The following FNIP2 variants were observed in gnomAD, a reference collection of about 807,000 sequenced individuals.
FNIP2 encodes the protein folliculin interacting protein 2.
FNIP2 carries 32 observed loss-of-function variants against 108.7 expected under a neutral mutation model. The ratio of observed to expected loss-of-function variants is 0.29; its 90% CI spans 0.22 to 0.40. The LOEUF (loss-of-function observed/expected upper bound fraction) is 0.40, where lower values mean the gene tolerates loss of function less well. FNIP2 is among the 10% of genes least tolerant of loss of function. FNIP2 has a pLI of 1.00. For synonymous variants in FNIP2, 480 were observed against 496.7 expected (o/e 0.97, Z 0.45); for missense variants, 1,202 against 1,381.6 (o/e 0.87, Z 2.06).
chr4:158,847,532 A>T (rs779241711), intron 7 of FNIP2, among the ~76,000 whole-genome samples: 6 of 152,194 alleles, frequency 3.9e-5, no homozygotes, highest in Non-Finnish European at 7.3e-5. Flanking sequence ...AGGACCCAGT[A>T]CTGGCAGGAT....
rs528283454 is a variant in FNIP2, at chr4:158,849,760, C to T, written c.728-1561C>T. ...TTAAGTCTGGTCTCAAGATGGCAAC[C>T]AGGTCAGCTTACTGGGGCCAGCCAC... On this transcript the variant is annotated intron_variant, in intron 7 of 16. Coordinates refer to ENST00000264433, the MANE Select transcript of FNIP2 (RefSeq NM_020840.3). Among the ~76,000 whole-genome samples, 7 of 151,680 alleles carry T rather than the reference C, an allele frequency of 4.6e-5. No individual in the cohort carries two copies. In the East Asian group the frequency reaches 1.2e-3, roughly 25 times the overall value.
At chr4:158,897,682 T>G (rs1476735843) in intron 16 of FNIP2, among the ~76,000 whole-genome samples, 1 of 152,186 alleles carries the variant, frequency 6.6e-6, no homozygotes, top group Non-Finnish European at 1.5e-5. Flanking sequence ...CACTTTTTGA[T>G]GGGGTTGTTT....
chr4:158,871,719 A>C (rs1780958800), intron 14 of FNIP2: 2 of 985,272 alleles, frequency 2.0e-6, no homozygotes, highest in Non-Finnish European at 2.4e-6. Flanking sequence ...GGATGAAACT[A>C]TGAAGTTGCT....
intron 1 of FNIP2, among the ~76,000 whole-genome samples, chr4:158,771,590 C>A (rs912020826): frequency 6.6e-6 from 1 of 152,168 alleles, no homozygotes; most frequent in African/African-American, 2.4e-5. Flanking sequence ...GAAGCTAAAA[C>A]CCTTAGATTA....
rs759842052 is a variant in FNIP2, at chr4:158,870,350, G to A, written c.2830G>A (p.Gly944Ser). 1 of 1,613,968 alleles carries A rather than the reference G, an allele frequency of 6.2e-7. No homozygotes were observed. The highest frequency in any genetic ancestry group is 8.5e-7 in the Non-Finnish European group (1 of 1,179,848). ...SISTQNVRNF[G>S]RSLLAGYCPT... ...CAGCACCCAGAATGTAAGGAACTTTGGCCGCTCACTTCTGGCGGGCTACTG... is the reference window on the plus strand; with the variant it reads ...CAGCACCCAGAATGTAAGGAACTTTAGCCGCTCACTTCTGGCGGGCTACTG... The change falls in exon 14 of 17, where the codon GGC becomes AGC. Residue 944 changes from glycine to serine, a missense_variant. Physicochemically the swap from Gly to Ser is moderately conservative, Grantham distance 56 (BLOSUM62 0). Transcript: ENST00000264433.
chr4:158,861,531 C>A, intron 11 of FNIP2, 43 bp downstream of exon 11: 2 of 1,613,512 alleles, frequency 1.2e-6, no homozygotes, highest in Non-Finnish European at 1.7e-6. Flanking sequence ...AATCTCATGG[C>A]CAATGTGTGT....
At chr4:158,783,592 A>G (rs1776121719) in intron 1 of FNIP2, among the ~76,000 whole-genome samples, 1 of 152,246 alleles carries the variant, frequency 6.6e-6, no homozygotes, top group Admixed American at 6.5e-5. Flanking sequence ...GCACTGAGGC[A>G]AGCAGGCTTG....
At chr4:158,846,775 C>T (rs1252291396) in intron 7 of FNIP2, among the ~76,000 whole-genome samples, 1 of 152,188 alleles carries the variant, frequency 6.6e-6, no homozygotes, top group Admixed American at 6.5e-5. Flanking sequence ...CGATCGTCCT[C>T]TCTGCAGGAA....
At chr4:158,890,358 G>C in intron 14 of FNIP2, 1 of 984,806 alleles carries the variant, frequency 1.0e-6, no homozygotes, top group East Asian at 1.1e-4. Context: ...ATTCCCCCTT[G>C]GATAATAGTA....
rs749027594 is a variant in FNIP2, at chr4:158,868,843, A to G, written c.2207A>G (p.Lys736Arg). 4.3e-6 allele frequency: 7 copies of G among 1,613,858 alleles called. No homozygotes were observed. The East Asian group carries it at 1.1e-4, about 26-fold the overall frequency. Residue 736 changes from lysine to arginine, a missense_variant, in exon 13 of 17, where the codon AAA (lysine) becomes AGA (arginine). By Grantham distance (26) the Lys-to-Arg change is conservative. Transcript: ENST00000264433. This position sits in a 1 kb window ranked among gnomAD's most constrained non-coding sequence, Gnocchi z 4.6. ...GAGTCTGACTTTGAAAGCCGCATGA[A>G]AAAAATGGAGGAACGGGTGAAGGCC... Reference protein sequence around the residue: ...SPESDFESRMKKMEERVKACG... With the variant: ...SPESDFESRMRKMEERVKACG...
intron 8 of FNIP2, among the ~76,000 whole-genome samples, chr4:158,858,474 A>G (rs1208720922): frequency 3.3e-5 from 5 of 152,194 alleles, no homozygotes; most frequent in African/African-American, 1.2e-4. Flanking sequence ...GAGTCTCTCA[A>G]AAGAATCAGG....
chr4:158,847,492 G>A (rs1464418661), intron 7 of FNIP2, among the ~76,000 whole-genome samples: 1 of 152,144 alleles, frequency 6.6e-6, no homozygotes, highest in African/African-American at 2.4e-5. Flanking sequence ...ACACAGCCTG[G>A]GCACAAAGGA....
chr4:158,872,563 G>A (rs970629132), intron 14 of FNIP2: 11 of 985,316 alleles, frequency 1.1e-5, no homozygotes, highest in Non-Finnish European at 1.3e-5. Flanking sequence ...ATGCGTGGGT[G>A]TTAATAGGAA....
intron 7 of FNIP2, among the ~76,000 whole-genome samples, chr4:158,850,612 G>A (rs1307811094): frequency 6.7e-6 from 1 of 149,130 alleles, no homozygotes; most frequent in African/African-American, 2.5e-5. Context: ...CTTTTTCACA[G>A]ACAACAGAGT....
intron 1 of FNIP2, among the ~76,000 whole-genome samples, chr4:158,789,711 CTA>C (rs1776340917): frequency 2.0e-5 from 3 of 152,140 alleles, no homozygotes; most frequent in African/African-American, 7.2e-5. Flanking sequence ...GCAACAGGAG[CTA>C]ACAGTACAGA....
At chr4:158,783,641 G>A (rs1207284188) in intron 1 of FNIP2, among the ~76,000 whole-genome samples, 3 of 152,082 alleles carry the variant, frequency 2.0e-5, no homozygotes, top group South Asian at 2.1e-4. Flanking sequence ...TCAGGAGTCC[G>A]TTCACCATCA....
At chr4:158,821,985 G>A (rs996170093) in intron 1 of FNIP2, among the ~76,000 whole-genome samples, 1 of 151,958 alleles carries the variant, frequency 6.6e-6, no homozygotes, top group East Asian at 1.9e-4. Context: ...AGCTACTTGG[G>A]GGGCTGAGAT....
chr4:158,894,378 C>G (rs992527300), intron 15 of FNIP2, among the ~76,000 whole-genome samples: 1 of 151,918 alleles, frequency 6.6e-6, no homozygotes, highest in Non-Finnish European at 1.5e-5. Context: ...CACTATGTTG[C>G]CTAGGTTGGT....
chr4:158,858,973 G>A, intron 8 of FNIP2, 84 bp from the exon 9 acceptor site: 2 of 1,065,812 alleles, frequency 1.9e-6, no homozygotes, highest in Admixed American at 4.0e-5. Context: ...TGAATGTTCT[G>A]GGTGTCATCC....
Sources: allele counts gnomAD v4.1 joint callset (sites outside exome capture counted in the v4.1 genomes callset), GRCh38; gene constraint gnomAD v4.1.1; non-coding constraint Gnocchi (gnomAD v3.1); transcripts MANE v1.5; gene names NCBI Gene and HGNC (gene_info 2026-07-23, HGNC 2026-07-21).